SPOCK3: variants seen among roughly 807,000 people sequenced by gnomAD.
SPOCK3 encodes the protein testican-3.
A neutral mutation model predicts 56.6 loss-of-function variants in SPOCK3; 30 were observed. The ratio of observed to expected loss-of-function variants is 0.53; its 90% confidence interval spans 0.40 to 0.72. The LOEUF (loss-of-function observed/expected upper bound fraction) is 0.72, where lower values mean the gene tolerates loss of function less well. Ranked by LOEUF, SPOCK3 falls within the 30% of genes least tolerant of loss-of-function variation. SPOCK3 has a pLI of 0.00. For synonymous variants in SPOCK3, 196 were observed against 183.3 expected (o/e 1.07, Z -0.56); for missense variants, 527 against 530.0 (o/e 0.99, Z 0.06).
intron 2 of SPOCK3, among the ~76,000 whole-genome samples, chr4:167,067,986 C>T (rs1339739287): frequency 6.6e-6 from 1 of 151,522 alleles, no homozygotes; most frequent in Non-Finnish European, 1.5e-5. Flanking sequence ...TTCTTCTTGT[C>T]CCCAAAATGA....
At chr4:166,818,173 T>A (rs1451607314) in intron 6 of SPOCK3, among the ~76,000 whole-genome samples, 1 of 151,952 alleles carries the variant, frequency 6.6e-6, no homozygotes, top group African/African-American at 2.4e-5. Flanking sequence ...TAACATAATA[T>A]TCCCCCGGCT....
chr4:167,213,031 A>G (rs1735031678), intron 2 of SPOCK3, among the ~76,000 whole-genome samples: 1 of 152,334 alleles, frequency 6.6e-6, no homozygotes, highest in African/African-American at 2.4e-5. Context: ...CTGGAGCACA[A>G]TCTACATCTA....
chr4:167,123,321 A>T (rs1395017890), intron 2 of SPOCK3, among the ~76,000 whole-genome samples: 3 of 152,184 alleles, frequency 2.0e-5, no homozygotes, highest in Admixed American at 6.5e-5. Context: ...GTCCAGCATC[A>T]TTTTATAAGG....
intron 4 of SPOCK3, among the ~76,000 whole-genome samples, chr4:166,983,597 G>A (rs372767731): frequency 3.3e-5 from 5 of 152,098 alleles, no homozygotes; most frequent in Admixed American, 2.0e-4. Flanking sequence ...ATAGTTTAGC[G>A]TATATTTTTC....
chr4:166,859,216 G>A (rs1730994061), intron 6 of SPOCK3, among the ~76,000 whole-genome samples: 1 of 152,128 alleles, frequency 6.6e-6, no homozygotes, highest in Non-Finnish European at 1.5e-5. Flanking sequence ...TGCACTCCAT[G>A]TTGTTTGCAC....
chr4:167,116,909 G>GTATATATATATATATATATATATATATA (rs1446671235), intron 2 of SPOCK3, among the ~76,000 whole-genome samples: 2 of 123,514 alleles, frequency 1.6e-5, no homozygotes, highest in Admixed American at 8.6e-5. Flanking sequence ...TTGTGTGTGT[G>GTATATATATATATATATATATATATATA]TGTGTATATA....
At chr4:167,101,758 AG>A (rs1759673188) in intron 2 of SPOCK3, among the ~76,000 whole-genome samples, 2 of 133,684 alleles carry the variant, frequency 1.5e-5, no homozygotes, top group African/African-American at 5.7e-5. Context: ...CTCTGTCACC[AG>A]GCTGCCAGGC....
chr4:167,196,517 CTTTT>C (rs201316331), intron 2 of SPOCK3, among the ~76,000 whole-genome samples: 3 of 147,528 alleles, frequency 2.0e-5, no homozygotes, highest in Non-Finnish European at 3.0e-5. Context: ...TTCTTTCTTT[CTTTT>C]TTTTTTACAT....
At chr4:166,958,596 C>T (rs1349159207) in intron 4 of SPOCK3, among the ~76,000 whole-genome samples, 2 of 152,072 alleles carry the variant, frequency 1.3e-5, no homozygotes, top group African/African-American at 4.8e-5. Context: ...ATTACCTTAA[C>T]TACATAGTAA....
intron 6 of SPOCK3, among the ~76,000 whole-genome samples, chr4:166,842,901 C>T (rs920386401): frequency 1.1e-4 from 17 of 152,306 alleles, no homozygotes; most frequent in East Asian, 9.7e-4. Flanking sequence ...TGGTGCCCAT[C>T]GAGGGGGTTT....
intron 4 of SPOCK3, among the ~76,000 whole-genome samples, chr4:166,937,391 G>A (rs770102323): frequency 2.0e-5 from 3 of 149,206 alleles, no homozygotes; most frequent in Non-Finnish European, 4.4e-5. Flanking sequence ...ACACACACAC[G>A]TATATATTAT....
chr4:166,782,851 T>C (rs992265278), intron 7 of SPOCK3, among the ~76,000 whole-genome samples: 1 of 152,146 alleles, frequency 6.6e-6, no homozygotes, highest in Non-Finnish European at 1.5e-5. Context: ...ATCAGTATTT[T>C]TGTGAGAAAG....
rs1382268453 is a variant in SPOCK3, at chr4:166,915,095, G to A, written c.351-2352C>T. 2.0e-5 allele frequency among the ~76,000 whole-genome samples: 3 copies of A among 152,104 alleles called. No individual in the cohort carries two copies. In the East Asian group the frequency reaches 5.8e-4, roughly 29 times the overall value. On this transcript the variant is annotated intron_variant, in intron 4 of 10. Coordinates refer to ENST00000357545, the MANE Select transcript of SPOCK3 (RefSeq NM_001040159.2). ...CTCAGTCTTATTATAGGAATACAAAGTACTTCTACAAATTTATAGAAGTCC... is the reference window on the plus strand; with the variant it reads ...CTCAGTCTTATTATAGGAATACAAAATACTTCTACAAATTTATAGAAGTCC...
chr4:166,988,828 C>A (rs1747453268), intron 4 of SPOCK3, among the ~76,000 whole-genome samples: 2 of 151,932 alleles, frequency 1.3e-5, no homozygotes, highest in South Asian at 4.1e-4. Context: ...ATGTAAAATA[C>A]CTACAAATTT....
At chr4:167,180,189 C>T (rs1055617238) in intron 2 of SPOCK3, among the ~76,000 whole-genome samples, 6 of 152,016 alleles carry the variant, frequency 3.9e-5, no homozygotes, top group East Asian at 1.9e-4. Flanking sequence ...AAGTAAAATA[C>T]GGAAAAACAG....
chr4:167,116,632 C>G (rs1281647223), intron 2 of SPOCK3, among the ~76,000 whole-genome samples: 5 of 122,394 alleles, frequency 4.1e-5, no homozygotes, highest in Admixed American at 9.5e-5. Flanking sequence ...TACATATATA[C>G]TATATACGTA....
At chr4:167,047,272 T>C (rs1227531336) in intron 3 of SPOCK3, among the ~76,000 whole-genome samples, 1 of 152,174 alleles carries the variant, frequency 6.6e-6, no homozygotes, top group South Asian at 2.1e-4. Context: ...ATAGGGTAAC[T>C]ATAAAAATAA....
chr4:167,183,974 G>A (rs1731727794), intron 2 of SPOCK3, among the ~76,000 whole-genome samples: 1 of 152,170 alleles, frequency 6.6e-6, no homozygotes, highest in East Asian at 1.9e-4. Flanking sequence ...TCATTTATTT[G>A]AAGCCCAAAT....
chr4:166,986,619 A>C (rs1008161342), intron 4 of SPOCK3, among the ~76,000 whole-genome samples: 7 of 152,150 alleles, frequency 4.6e-5, no homozygotes, highest in Non-Finnish European at 1.0e-4. Context: ...AAGCAGGCTC[A>C]CAATTTGTGA....
Sources: gnomAD v4.1 joint callset for allele counts (sites outside exome capture counted in the v4.1 genomes callset) on GRCh38, gnomAD v4.1.1 for gene constraint, MANE v1.5 for transcripts, NCBI Gene and HGNC (gene_info 2026-07-23, HGNC 2026-07-21) for gene names.